The following SEC14L1 variants were observed in gnomAD, a reference collection of about 807,000 sequenced individuals.
SEC14L1 encodes the protein SEC14-like protein 1.
SEC14L1 carries 48 observed loss-of-function variants against 85.3 expected under a neutral mutation model. The ratio of observed to expected loss-of-function variants is 0.56; its 90% CI spans 0.45 to 0.72. SEC14L1 has a LOEUF of 0.72. Ranked by LOEUF, SEC14L1 falls within the 30% of genes least tolerant of loss-of-function variation. The pLI is 0.00. For synonymous variants in SEC14L1, 391 were observed against 355.5 expected, an observed-to-expected ratio of 1.10 and a Z score of -1.12; for missense variants, 682 against 921.4, an observed-to-expected ratio of 0.74 and a Z score of 3.36.
At chr17:77,125,662 G>A (rs2143421373) in intron 3 of SEC14L1, among the ~76,000 whole-genome samples, 1 of 152,322 alleles carries the variant, frequency 6.6e-6, no homozygotes, top group South Asian at 2.1e-4. Context: ...CTGCTCAGTA[G>A]GATGTCCCAG....
rs1976774138 is a variant in SEC14L1 at position 77,211,940 on chromosome 17, T to C, written c.1612-10T>C. On this transcript the variant is annotated splice_polypyrimidine_tract_variant and intron_variant, in intron 14 of 16. Transcript: ENST00000436233. ...TGGATCGTGGCTGCCTAACGCTGCCTCTTTTTCAGATTCTCATTCAGATTG... is the reference window on the plus strand; with the variant it reads ...TGGATCGTGGCTGCCTAACGCTGCCCCTTTTTCAGATTCTCATTCAGATTG... The C allele has an allele frequency of 6.2e-7, 1 of 1,613,000 alleles. No individual in the cohort carries two copies. Among genetic ancestry groups the C allele is most frequent in the African/African-American group, 1.3e-5 (1 of 75,052 alleles).
chr17:77,205,244 C>G, intron 10 of SEC14L1, 32 bp from the exon 11 acceptor site: 1 of 1,591,678 alleles, frequency 6.3e-7, no homozygotes, highest in Non-Finnish European at 8.6e-7. Context: ...TTAAACTAAT[C>G]ATGGTAAATT....
intron 14 of SEC14L1, chr17:77,209,923 A>C (rs1252281218): frequency 6.6e-6 from 1 of 152,440 alleles, no homozygotes; most frequent in Non-Finnish European, 1.5e-5. Flanking sequence ...ACTCACTGCA[A>C]CCTCCGCCTT....
intron 3 of SEC14L1, among the ~76,000 whole-genome samples, chr17:77,149,216 T>C (rs536269989): frequency 6.6e-6 from 1 of 152,348 alleles, no homozygotes; most frequent in South Asian, 2.1e-4. Flanking sequence ...ACAAAGCCTC[T>C]TGAGTGTTGC....
At chr17:77,105,338 A>G (rs8079634) in intron 3 of SEC14L1, among the ~76,000 whole-genome samples, 32,250 of 147,584 alleles carry the variant, frequency 0.22, 3,744 homozygotes, top group South Asian at 0.42. Flanking sequence ...TGAACAAGAA[A>G]GTGACTCTAG....
At chr17:77,150,485 A>G (rs1226112561) in intron 3 of SEC14L1, among the ~76,000 whole-genome samples, 1 of 152,236 alleles carries the variant, frequency 6.6e-6, no homozygotes, top group Non-Finnish European at 1.5e-5. Context: ...TCTCTGTTAG[A>G]TCAAATAGGC....
At chr17:77,132,367 C>CAA (rs1394246317) in intron 3 of SEC14L1, among the ~76,000 whole-genome samples, 1 of 152,004 alleles carries the variant, frequency 6.6e-6, no homozygotes, top group African/African-American at 2.4e-5. Flanking sequence ...CGATTACAGG[C>CAA]ATGCACCACC....
In SEC14L1 at chr17:77,173,100, T is replaced by C. The variant is rs116361221; in HGVS notation, c.64-17703T>C. 3.2e-3 allele frequency among the ~76,000 whole-genome samples: 480 copies of C among 152,294 alleles called. 2 individuals carry two copies. Among genetic ancestry groups the C allele is most frequent in the African/African-American group, 0.011 (450 of 41,564 alleles). Reference sequence around the variant, plus strand: ...AATTGATTAATCTGGTCAGCCACTATATAAGGGTCACTTAAGAGTGGTTTG... The same window carrying C: ...AATTGATTAATCTGGTCAGCCACTACATAAGGGTCACTTAAGAGTGGTTTG... On this transcript the variant is annotated intron_variant, in intron 3 of 16. Transcript: ENST00000436233.
intron 3 of SEC14L1, among the ~76,000 whole-genome samples, chr17:77,103,442 T>TTTG (rs1555613813): frequency 6.0e-5 from 9 of 150,708 alleles, no homozygotes; most frequent in East Asian, 2.0e-4. Context: ...TTGTTTTTTT[T>TTTG]TTGTTGTTGT....
chr17:77,119,092 C>G (rs1014132276), intron 3 of SEC14L1, among the ~76,000 whole-genome samples: 1 of 151,982 alleles, frequency 6.6e-6, no homozygotes, highest in Non-Finnish European at 1.5e-5. Context: ...GGTGGATTGC[C>G]TGAGCTCAGG....
intron 9 of SEC14L1, among the ~76,000 whole-genome samples, chr17:77,201,523 C>T (rs996016861): frequency 6.6e-6 from 1 of 151,626 alleles, no homozygotes; most frequent in Non-Finnish European, 1.5e-5. Flanking sequence ...AGATCTCAGC[C>T]TACTGCACCC....
upstream of SEC14L1, among the ~76,000 whole-genome samples, chr17:77,138,428 T>C (rs972123239): frequency 2.0e-5 from 3 of 151,944 alleles, no homozygotes; most frequent in Non-Finnish European, 4.4e-5. Context: ...GAGACCGGCC[T>C]GACCAACATG....
At chr17:77,088,823 G>C (rs1003774758) in exon 1 of SEC14L1, 2 of 146,898 alleles carry the variant, frequency 1.4e-5, no homozygotes, top group Non-Finnish European at 3.1e-5. Context: ...CTGCGGAATT[G>C]GGCTCGCCCC....
intron 1 of SEC14L1, chr17:77,141,850 G>C (rs748132238): frequency 6.6e-5 from 10 of 152,170 alleles, no homozygotes; most frequent in African/African-American, 9.7e-5. Flanking sequence ...TCATATCTGG[G>C]AGAGTACCCT....
At chr17:77,090,591 A>G (rs533083659) in intron 2 of SEC14L1, among the ~76,000 whole-genome samples, 130 of 152,098 alleles carry the variant, frequency 8.5e-4, no homozygotes, top group Non-Finnish European at 1.6e-3. Flanking sequence ...AGGATGGGTA[A>G]AAGTTTGCTG....
rs752744503 is a variant in SEC14L1 at position 77,212,060 on chromosome 17, C to A, written c.1722C>A (p.Pro574=). 7 of 1,614,114 alleles carry A rather than the reference C, an allele frequency of 4.3e-6. No homozygotes were observed. The South Asian group carries it at 4.4e-5, about 10-fold the overall frequency. ...IYHSKRSPQP[P]KKDSLGAHSI... ...ACTCCAAGAGGTCGCCACAACCACCCAAAAAGGACTCCCTGGGAGCCCACA... is the reference window on the plus strand; with the variant it reads ...ACTCCAAGAGGTCGCCACAACCACCAAAAAAGGACTCCCTGGGAGCCCACA... The change falls in exon 15 of 17, where the codon CCC becomes CCA. Residue 574 remains proline, a synonymous_variant. Transcript: ENST00000436233.
At chr17:77,181,064 G>A (rs1350508755) in intron 3 of SEC14L1, 1 of 152,160 alleles carries the variant, frequency 6.6e-6, no homozygotes, top group Non-Finnish European at 1.5e-5. Flanking sequence ...TGGAGTTTCA[G>A]CAGCAGACCG....
chr17:77,205,407 G>C (rs966965471), intron 11 of SEC14L1, 61 bp downstream of exon 11: 1 of 1,435,552 alleles, frequency 7.0e-7, no homozygotes, highest in African/African-American at 1.4e-5. Context: ...AATATTTCTA[G>C]TTGATTTTTG....
chr17:77,215,440 TTGTG>T lies in SEC14L1; in HGVS notation c.*1418_*1421del. 3 of 985,572 alleles carry T rather than the reference TTGTG, an allele frequency of 3.0e-6. No homozygotes were observed. The highest frequency in any genetic ancestry group is 2.4e-6 in the Non-Finnish European group (2 of 830,022). The allele number at this position is 985,572 out of a possible 1,614,324, so 61.1% of individuals were successfully genotyped here. A position where few individuals can be genotyped will look rare whatever the true frequency, so the allele number is the denominator to read the frequency against. ...TGCGTGGTAGGCATGGAGATCCTGG[TTGTG>T]CCGTCTCAGCTCCGCTCTGAAGGCA... On this transcript the variant is annotated 3_prime_UTR_variant, in exon 17 of 17. Transcript: ENST00000436233.
Sources: allele counts gnomAD v4.1 joint callset (sites outside exome capture counted in the v4.1 genomes callset), GRCh38; gene constraint gnomAD v4.1.1; transcripts MANE v1.5; gene names NCBI Gene and HGNC (gene_info 2026-07-23, HGNC 2026-07-21).